MMP21: variants seen among roughly 807,000 people sequenced by gnomAD.
MMP21 encodes matrix metallopeptidase 21.
A neutral mutation model predicts 47.8 loss-of-function variants in MMP21; 40 were observed. The ratio of observed to expected loss-of-function variants is 0.84; its 90% confidence interval spans 0.65 to 1.09. The LOEUF (loss-of-function observed/expected upper bound fraction) is 1.09, where lower values mean the gene tolerates loss of function less well. MMP21 is among the 50% of genes least tolerant of loss of function. MMP21 has a pLI of 0.00. For missense variants in MMP21, 747 were observed against 775.3 expected, an observed-to-expected ratio of 0.96 and a Z score of 0.43; for synonymous variants, 341 against 318.0, an observed-to-expected ratio of 1.07 and a Z score of -0.77.
In MMP21 at chr10:125,774,201, T is replaced by C. The variant is rs772506252; in HGVS notation, c.327A>G (p.Leu109=). The C allele has an allele frequency of 3.8e-5, 52 of 1,352,818 alleles. No individual in the cohort carries two copies. The Admixed American group carries it at 6.8e-4, about 18-fold the overall frequency. 83.8% of individuals were successfully genotyped at this position (1,352,818 alleles called of 1,614,324 possible). A position where few individuals can be genotyped will look rare whatever the true frequency, so the allele number is the denominator to read the frequency against. The part of the protein sequence containing the change: ...PASGELDAAT[L]AAMNRPRCGV... ...CGCAGCGCGGCCGGTTCATGGCCGC[T>C]AGGGTGGCCGCGTCCAGCTCCCCGC... The change falls in exon 2 of 7, where the codon CTA becomes CTG. Residue 109 remains leucine (L), a synonymous_variant. Transcript: ENST00000368808.
intron 5 of MMP21, among the ~76,000 whole-genome samples, chr10:125,770,102 C>T (rs145470140): frequency 3.3e-5 from 5 of 152,236 alleles, no homozygotes; most frequent in African/African-American, 1.2e-4. Context: ...TGTAGTGAGC[C>T]GTGATTGTGC....
chr10:125,774,395 G>A (rs1197699179), intron 1 of MMP21, 30 bp from the exon 2 acceptor site: 3 of 1,315,598 alleles, frequency 2.3e-6, no homozygotes, highest in South Asian at 2.0e-5. Flanking sequence ...CCTAATCTGG[G>A]CCGCCTCGCT....
intron 4 of MMP21, among the ~76,000 whole-genome samples, chr10:125,771,792 C>A (rs1316634346): frequency 6.6e-6 from 1 of 152,164 alleles, no homozygotes; most frequent in Non-Finnish European, 1.5e-5. Flanking sequence ...AATAATCAAC[C>A]ACTAGAACGT....
chr10:125,775,738 G>T lies in MMP21; in HGVS notation c.84C>A (p.Phe28Leu). 1 of 1,613,736 alleles carries T rather than the reference G, an allele frequency of 6.2e-7. No individual in the cohort carries two copies. Among genetic ancestry groups the T allele is most frequent in the Non-Finnish European group, 8.5e-7 (1 of 1,179,840 alleles). Residue 28 changes from phenylalanine to leucine, a missense_variant, in exon 1 of 7, where the codon TTC becomes TTA. Transcript: ENST00000368808. Reference protein sequence around the residue: ...APWPTQPESLFHSRDRSDLEP... With the variant: ...APWPTQPESLLHSRDRSDLEP... ...CCAGGTCCGAGCGGTCCCGGCTGTG[G>T]AAGAGACTCTCGGGCTGGGTGGGCC...
At position 125,766,475 on chromosome 10, in the gene MMP21, T is replaced by C; in HGVS notation, c.*187A>G. ...TTGTTTTTTTAAACCTTTTAGTTTATGAATTATGTTTTGCCTGAGCAATTG... is the reference window on the plus strand; with the variant it reads ...TTGTTTTTTTAAACCTTTTAGTTTACGAATTATGTTTTGCCTGAGCAATTG... On this transcript the variant is annotated 3_prime_UTR_variant, in exon 7 of 7. Transcript: ENST00000368808. The C allele has an allele frequency of 1.9e-6, 1 of 526,888 alleles. No individual in the cohort carries two copies. The highest frequency in any genetic ancestry group is 3.2e-6 in the Non-Finnish European group (1 of 310,314). 32.6% of individuals were successfully genotyped at this position (526,888 alleles called of 1,614,324 possible). A position where few individuals can be genotyped will look rare whatever the true frequency, so the allele number is the denominator to read the frequency against.
At position 125,773,832 on chromosome 10, in the gene MMP21, T is replaced by C. The variant is rs1309871728; in HGVS notation, c.696A>G (p.Arg232=). Residue 232 remains arginine, a splice_region_variant and synonymous_variant, in exon 2 of 7, where the codon AGA becomes AGG. Coordinates refer to ENST00000368808, the MANE Select transcript of MMP21 (RefSeq NM_147191.1). The surrounding 1 kb of genome is among the most constrained non-coding windows in gnomAD (Gnocchi z 4.8). ...AAVDIKLGFG[R]GRHLGCPRAF... is the part of the protein sequence containing the mutation. Reference sequence around the variant, plus strand: ...GCAGGGAGCCCGGGGTGCTCTTACCTCTCCCAAAGCCCAGCTTGATGTCGA... The same window carrying C: ...GCAGGGAGCCCGGGGTGCTCTTACCCCTCCCAAAGCCCAGCTTGATGTCGA... 6.5e-7 allele frequency: 1 copy of C among 1,536,436 alleles called. No individual in the cohort carries two copies. Among genetic ancestry groups the C allele is most frequent in the African/African-American group, 1.4e-5 (1 of 70,806 alleles).
rs749232299 is a variant in MMP21, at chr10:125,772,729, C to G, written c.719G>C (p.Arg240Pro). The change falls in exon 3 of 7, where the codon CGG (arginine) becomes CCG (proline). Residue 240 changes from arginine to proline, a missense_variant. Physicochemically the swap from Arg to Pro is moderately radical, Grantham distance 103. Transcript: ENST00000368808. This position sits in a 1 kb window ranked among gnomAD's most constrained non-coding sequence, Gnocchi z 5.6. ...FGRGRHLGCP[R>P]AFDGSGQEFA... ...CTCCTGCCCGCTCCCATCGAAGGCC[C>G]GCGGACAGCCCAGGTGCCGGCCTGG... 3 of 1,613,830 alleles carry G rather than the reference C, an allele frequency of 1.9e-6. No individual in the cohort carries two copies. Among genetic ancestry groups the G allele is most frequent in the Non-Finnish European group, 2.5e-6 (3 of 1,180,004 alleles).
rs1283827616 is a variant in MMP21 at position 125,766,783 on chromosome 10, A to ACTAC, written c.1585_1588dup (p.Val530GlyfsTer3). On this transcript the variant is annotated frameshift_variant, in exon 7 of 7. Transcript: ENST00000368808. LOFTEE classifies it low-confidence loss of function (END_TRUNC). ...ATTCTGTTGTTTGTCCTTGTCATTA[A>ACTAC]CTACCTTCCAGTATGCATTGCCTTT... is the stretch of plus-strand genomic sequence containing the variant. 7 of 1,613,904 alleles carry ACTAC rather than the reference A, an allele frequency of 4.3e-6. No homozygotes were observed. The highest frequency in any genetic ancestry group is 5.9e-6 in the Non-Finnish European group (7 of 1,179,970).
chr10:125,770,021 G>C (rs1465548650), intron 5 of MMP21, among the ~76,000 whole-genome samples: 1 of 152,106 alleles, frequency 6.6e-6, no homozygotes, highest in Non-Finnish European at 1.5e-5. Flanking sequence ...AGGTGTAGTG[G>C]TGCGTGCCTG....
rs368150369 is a variant in MMP21, at chr10:125,773,818, G to A, written c.697+13C>T. On this transcript the variant is annotated intron_variant, in intron 2 of 6. Transcript: ENST00000368808. The surrounding 1 kb of genome is among the most constrained non-coding windows in gnomAD (Gnocchi z 4.8). ...GCTGGGTCGGGCAGGCAGGGAGCCCGGGGTGCTCTTACCTCTCCCAAAGCC... is the reference window on the plus strand; with the variant it reads ...GCTGGGTCGGGCAGGCAGGGAGCCCAGGGTGCTCTTACCTCTCCCAAAGCC... 2.7e-5 allele frequency: 40 copies of A among 1,502,540 alleles called. No individual in the cohort carries two copies. Among genetic ancestry groups the A allele is most frequent in the African/African-American group, 1.2e-4 (8 of 69,462 alleles). 93.1% of individuals were successfully genotyped at this position (1,502,540 alleles called of 1,614,324 possible). A position where few individuals can be genotyped will look rare whatever the true frequency, so the allele number is the denominator to read the frequency against.
At chr10:125,771,536 T>A (rs1850446182) in intron 4 of MMP21, among the ~76,000 whole-genome samples, 1 of 152,064 alleles carries the variant, frequency 6.6e-6, no homozygotes, top group African/African-American at 2.4e-5. Flanking sequence ...CCCAAGTAGC[T>A]GGGATTACAG....
At chr10:125,771,314 C>T (rs2133782600) in intron 4 of MMP21, among the ~76,000 whole-genome samples, 1 of 152,132 alleles carries the variant, frequency 6.6e-6, no homozygotes. Context: ...GGGGCAAGTC[C>T]GTGTGTCCTG....
chr10:125,769,694 C>T (rs1413433879), intron 5 of MMP21, among the ~76,000 whole-genome samples: 1 of 152,218 alleles, frequency 6.6e-6, no homozygotes. Context: ...CGGTCTGCCC[C>T]TTAAAAACAC....
intron 5 of MMP21, among the ~76,000 whole-genome samples, chr10:125,768,082 A>G (rs1850405505): frequency 6.6e-6 from 1 of 152,160 alleles, no homozygotes; most frequent in Non-Finnish European, 1.5e-5. Flanking sequence ...TTCTTCCTTT[A>G]TAGTCTAAAG....
At chr10:125,770,252 T>G in intron 5 of MMP21, 82 bp downstream of exon 5, 1 of 1,426,568 alleles carries the variant, frequency 7.0e-7, no homozygotes, top group East Asian at 2.3e-5. Context: ...TTACAACAGA[T>G]TCCTTGGTAG....
At position 125,766,755 on chromosome 10, in the gene MMP21, G is replaced by C. The variant is rs1564761644; in HGVS notation, c.1617C>G (p.Ser539=). 1 of 1,613,840 alleles carries C rather than the reference G, an allele frequency of 6.2e-7. No individual in the cohort carries two copies. The highest frequency in any genetic ancestry group is 8.5e-7 in the Non-Finnish European group (1 of 1,179,952). The part of the protein sequence containing the change: ...VVNDKDKQQN[S]WLPANGLFPK... The stretch of plus-strand genomic sequence containing the variant: ...GAAATAAGCCATTAGCAGGAAGCCA[G>C]GAATTCTGTTGTTTGTCCTTGTCAT... The change falls in exon 7 of 7, where the codon TCC becomes TCG. Residue 539 remains serine (S), a synonymous_variant. Transcript: ENST00000368808.
At position 125,767,821 on chromosome 10, in the gene MMP21, G is replaced by C. The variant is rs527399497; in HGVS notation, c.1238-117C>G. On this transcript the variant is annotated intron_variant, in intron 5 of 6. Coordinates refer to ENST00000368808, the MANE Select transcript of MMP21 (RefSeq NM_147191.1). ...TGTACAATGTGTTGCCATGATTCTA[G>C]GAGAAAACGGGGCTTTCGGCATCTG... 113 of 1,031,746 alleles carry C rather than the reference G, an allele frequency of 1.1e-4. 4 individuals carry two copies. In the South Asian group the frequency reaches 1.8e-3, roughly 16 times the overall value. 63.9% of individuals were successfully genotyped at this position (1,031,746 alleles called of 1,614,324 possible).
chr10:125,767,005 A>G (rs753078005), intron 6 of MMP21, 44 bp from the exon 7 acceptor site: 4 of 1,474,682 alleles, frequency 2.7e-6, no homozygotes, highest in Admixed American at 2.4e-5. Flanking sequence ...AAAATTATTA[A>G]TATTTTTTGG....
At position 125,766,501 on chromosome 10, in the gene MMP21, T is replaced by C; in HGVS notation, c.*161A>G. 1.7e-6 allele frequency: 1 copy of C among 582,100 alleles called. No individual in the cohort carries two copies. 36.1% of individuals were successfully genotyped at this position (582,100 alleles called of 1,614,324 possible). A position where few individuals can be genotyped will look rare whatever the true frequency, so the allele number is the denominator to read the frequency against. ...GAATTATGTTTTGCCTGAGCAATTGTTTTTAAATCAAGTATTTTAAAAGTT... is the reference window on the plus strand; with the variant it reads ...GAATTATGTTTTGCCTGAGCAATTGCTTTTAAATCAAGTATTTTAAAAGTT... On this transcript the variant is annotated 3_prime_UTR_variant, in exon 7 of 7. Transcript: ENST00000368808.
Sources: gnomAD v4.1 joint callset for allele counts (sites outside exome capture counted in the v4.1 genomes callset) on GRCh38, gnomAD v4.1.1 for gene constraint, Gnocchi (gnomAD v3.1) non-coding constraint, MANE v1.5 for transcripts, NCBI Gene and HGNC (gene_info 2026-07-23, HGNC 2026-07-21) for gene names.